SULT2B1: variants seen among roughly 807,000 people sequenced by gnomAD.
SULT2B1 encodes the protein sulfotransferase 2B1.
Under a neutral mutation model 33.2 loss-of-function variants are expected in SULT2B1, and 16 were observed. The ratio of observed to expected loss-of-function variants is 0.48; its 90% confidence interval spans 0.33 to 0.73. The LOEUF is 0.73. SULT2B1 is among the 30% of genes least tolerant of loss of function. The pLI is 0.02. For synonymous variants in SULT2B1, 186 were observed against 200.5 expected, an observed-to-expected ratio of 0.93 and a Z score of 0.61; for missense variants, 500 against 506.0, an observed-to-expected ratio of 0.99 and a Z score of 0.11.
Position 48,599,266 on chromosome 19 carries a change from G to T in SULT2B1, c.958G>T (p.Asp320Tyr). 1 of 1,611,190 alleles carries T rather than the reference G, an allele frequency of 6.2e-7. No homozygotes were observed. Among genetic ancestry groups the T allele is most frequent in the South Asian group, 1.1e-5 (1 of 90,546 alleles). Residue 320 changes from aspartate (D) to tyrosine (Y), a missense_variant, in exon 7 of 7, where the codon GAT (aspartate) becomes TAT (tyrosine). By Grantham distance (160) the Asp-to-Tyr change is radical. Transcript: ENST00000201586. This position sits in a 1 kb window ranked among gnomAD's most constrained non-coding sequence, Gnocchi z 4.1. ...DEDPEEDGSP[D>Y]PEPSPEPEPK... is the part of the protein sequence containing the mutation. ...AGACCCGGAGGAGGACGGCAGCCCA[G>T]ATCCTGAGCCCAGCCCTGAGCCTGA...
chr19:48,585,048 C>CA (rs57540837), intron 2 of SULT2B1, among the ~76,000 whole-genome samples: 15,312 of 62,136 alleles, frequency 0.25, 2,363 homozygotes, highest in East Asian at 0.5. Flanking sequence ...GACTCCTTCT[C>CA]AAAAAAAAAA....
chr19:48,596,633 C>T (rs1244002222), intron 5 of SULT2B1, 106 bp from the exon 6 acceptor site: 41 of 1,221,334 alleles, frequency 3.4e-5, no homozygotes, highest in Non-Finnish European at 4.6e-5. Flanking sequence ...GAGGCAGCGT[C>T]CCTCAGGCAG....
At chr19:48,562,476 C>T (rs553493956) in intron 1 of SULT2B1, among the ~76,000 whole-genome samples, 1 of 150,734 alleles carries the variant, frequency 6.6e-6, no homozygotes, top group Non-Finnish European at 1.5e-5. Flanking sequence ...GCTTGAACCC[C>T]GGGAGGTAGG....
chr19:48,556,381 G>C (rs1188748677), intron 1 of SULT2B1, among the ~76,000 whole-genome samples: 1 of 152,120 alleles, frequency 6.6e-6, no homozygotes, highest in Non-Finnish European at 1.5e-5. Context: ...GCTCCATTAA[G>C]CAACCTCTGA....
intron 2 of SULT2B1, among the ~76,000 whole-genome samples, 161 bp downstream of exon 2, chr19:48,576,244 C>G (rs1306150307): frequency 4.0e-5 from 6 of 151,820 alleles, no homozygotes; most frequent in Admixed American, 2.6e-4. Flanking sequence ...GATACCCACC[C>G]GGTGCCCAGC....
Position 48,555,259 on chromosome 19 carries a change from T to A in SULT2B1, c.71+2936T>A, listed in dbSNP as rs1973083154. Among the ~76,000 whole-genome samples, 3 of 151,962 alleles carry A rather than the reference T, an allele frequency of 2.0e-5. No individual in the cohort carries two copies. The South Asian group carries it at 6.2e-4, about 32-fold the overall frequency. On this transcript the variant is annotated intron_variant, in intron 1 of 6. Transcript: ENST00000201586. ...GGCACCCGCCACCATGCCTGGCTAA[T>A]TTTTATATTTTTAGTTGAGACAGGA...
At chr19:48,598,459 G>A (rs1973751624) in intron 6 of SULT2B1, among the ~76,000 whole-genome samples, 1 of 152,128 alleles carries the variant, frequency 6.6e-6, no homozygotes, top group Non-Finnish European at 1.5e-5. Context: ...GGGCGTGGTG[G>A]TGCGTGCCTG....
At chr19:48,587,488 G>C (rs773982906) in intron 3 of SULT2B1, 51 bp downstream of exon 3, 3 of 1,585,022 alleles carry the variant, frequency 1.9e-6, no homozygotes, top group Non-Finnish European at 2.6e-6. Context: ...GGGTGTATGG[G>C]GTAATGGGGG....
rs570547076 is a variant in SULT2B1 at position 48,566,395 on chromosome 19, C to T, written c.72-9546C>T. Among the ~76,000 whole-genome samples, 36 of 151,544 alleles carry T rather than the reference C, an allele frequency of 2.4e-4. No individual in the cohort carries two copies. In the East Asian group the frequency reaches 4.9e-3, roughly 21 times the overall value. On this transcript the variant is annotated intron_variant, in intron 1 of 6. Coordinates refer to ENST00000201586, the MANE Select transcript of SULT2B1 (RefSeq NM_177973.2). ...CACCGCACCCAGGCTAAAGTGTGCT[C>T]ATTTTGAGAAATATATGTACGGCTG...
intron 3 of SULT2B1, among the ~76,000 whole-genome samples, chr19:48,590,337 C>T (rs1205194250): frequency 6.6e-6 from 1 of 152,026 alleles, no homozygotes; most frequent in Non-Finnish European, 1.5e-5. Context: ...CATGGTGGCT[C>T]ATGCCTGTAA....
chr19:48,587,453 G>T lies in SULT2B1; in HGVS notation c.423+16G>T, dbSNP rs758802961. 2.5e-6 allele frequency: 4 copies of T among 1,613,910 alleles called. No individual in the cohort carries two copies. The highest frequency in any genetic ancestry group is 3.4e-6 in the Non-Finnish European group (4 of 1,179,934). On this transcript the variant is annotated intron_variant, in intron 3 of 6. Coordinates refer to ENST00000201586, the MANE Select transcript of SULT2B1 (RefSeq NM_177973.2). Reference sequence around the variant, plus strand: ...CAAGGCCAAGGTTGGGAGGAGGGGTGTGTGTCAGTTGGGAGGGGCTGCATG... The same window carrying T: ...CAAGGCCAAGGTTGGGAGGAGGGGTTTGTGTCAGTTGGGAGGGGCTGCATG...
intron 2 of SULT2B1, among the ~76,000 whole-genome samples, chr19:48,576,359 CTTT>C (rs1188887401): frequency 2.1e-5 from 2 of 96,716 alleles, no homozygotes; most frequent in Non-Finnish European, 3.8e-5. Context: ...CTCTACTTCT[CTTT>C]TTTTTTTTTT....
chr19:48,572,310 C>T (rs1006132558), intron 1 of SULT2B1, among the ~76,000 whole-genome samples: 4 of 152,040 alleles, frequency 2.6e-5, no homozygotes, highest in South Asian at 4.2e-4. Flanking sequence ...GTCAGGAGAC[C>T]GAGACCATCC....
At chr19:48,562,616 ATTT>A (rs1273371046) in intron 1 of SULT2B1, among the ~76,000 whole-genome samples, 2 of 152,052 alleles carry the variant, frequency 1.3e-5, no homozygotes. Flanking sequence ...TATTATTATT[ATTT>A]TATTTATAGA....
chr19:48,552,263 C>T lies in SULT2B1; in HGVS notation c.11C>T (p.Pro4Leu). MDGPAEPQIPGLWD... is the reference protein window; with the variant it reads MDGLAEPQIPGLWD... ...CCTCACCCACCTGCCATGGACGGGCCCGCCGAGCCCCAGATCCCGGGCTTG... is the reference window on the plus strand; with the variant it reads ...CCTCACCCACCTGCCATGGACGGGCTCGCCGAGCCCCAGATCCCGGGCTTG... The change falls in exon 1 of 7, where the codon CCC (proline) becomes CTC (leucine). Residue 4 changes from proline (P) to leucine (L), a missense_variant. Physicochemically the swap from Pro to Leu is moderately conservative, Grantham distance 98. Coordinates refer to ENST00000201586, the MANE Select transcript of SULT2B1 (RefSeq NM_177973.2). The surrounding 1 kb of genome is among the most constrained non-coding windows in gnomAD (Gnocchi z 4.8). 13 of 1,613,902 alleles carry T rather than the reference C, an allele frequency of 8.1e-6. No homozygotes were observed. The highest frequency in any genetic ancestry group is 1.1e-5 in the Non-Finnish European group (13 of 1,179,900).
rs544074096 is a variant in SULT2B1, at chr19:48,581,950, G to A, written c.215-5279G>A. ...GATGAAGTCTCGCTCTGTCGCCCAGGCTGGAGTGTAGTGGTGCCATCTTGG... is the reference window on the plus strand; with the variant it reads ...GATGAAGTCTCGCTCTGTCGCCCAGACTGGAGTGTAGTGGTGCCATCTTGG... On this transcript the variant is annotated intron_variant, in intron 2 of 6. Transcript: ENST00000201586. Among the ~76,000 whole-genome samples the A allele has an allele frequency of 2.7e-5, 4 of 150,900 alleles. No individual in the cohort carries two copies. In the Admixed American group the frequency reaches 2.7e-4, roughly 10 times the overall value.
chr19:48,575,385 G>T (rs1236153480), intron 1 of SULT2B1, among the ~76,000 whole-genome samples: 1 of 150,052 alleles, frequency 6.7e-6, no homozygotes, highest in Non-Finnish European at 1.5e-5. Flanking sequence ...TGATCCACCC[G>T]CCTTGACCTC....
chr19:48,564,194 C>T (rs1973214589), intron 1 of SULT2B1, among the ~76,000 whole-genome samples: 2 of 149,582 alleles, frequency 1.3e-5, no homozygotes, highest in African/African-American at 2.5e-5. Context: ...TGCAGTGAGC[C>T]GAGATAGCAC....
intron 6 of SULT2B1, among the ~76,000 whole-genome samples, chr19:48,597,784 T>G (rs1221903883): frequency 6.6e-6 from 1 of 151,506 alleles, no homozygotes; most frequent in African/African-American, 2.4e-5. Flanking sequence ...GCTGTGACTA[T>G]AGGCACCCAC....
Sources: allele counts gnomAD v4.1 joint callset (sites outside exome capture counted in the v4.1 genomes callset), GRCh38; gene constraint gnomAD v4.1.1; non-coding constraint Gnocchi (gnomAD v3.1); transcripts MANE v1.5; gene names NCBI Gene and HGNC (gene_info 2026-07-23, HGNC 2026-07-21).